POF1B: variants seen among roughly 807,000 people sequenced by gnomAD.
The protein encoded by POF1B is protein POF1B.
A neutral mutation model predicts 55.3 loss-of-function variants in POF1B; 53 were observed. The observed-to-expected ratio is 0.96, with a 90% CI of 0.77 to 1.20. The LOEUF is 1.20. Among genes scored for constraint, POF1B ranks in the 50% most tolerant of loss-of-function variants. POF1B has a pLI of 0.00. For synonymous variants in POF1B, 188 were observed against 148.3 expected (o/e 1.27, Z -1.95); for missense variants, 478 against 420.5 (o/e 1.14, Z -1.20).
intron 6 of POF1B, among the ~76,000 whole-genome samples, chrX:85,334,960 C>T (rs1933042169): frequency 1.8e-5 from 2 of 111,451 alleles, no homozygotes; most frequent in Admixed American, 1.9e-4. Context: ...ATTCTCTTGC[C>T]TGGTTTCCCT....
At chrX:85,313,627 T>C (rs1932755870) in intron 9 of POF1B, among the ~76,000 whole-genome samples, 1 of 111,375 alleles carries the variant, frequency 9.0e-6, no homozygotes, top group South Asian at 3.8e-4. Context: ...GATATTGGCC[T>C]GAAATTTTCC....
chrX:85,293,872 G>A (rs1372683520), intron 15 of POF1B, among the ~76,000 whole-genome samples: 1 of 109,953 alleles, frequency 9.1e-6, no homozygotes, highest in African/African-American at 3.3e-5. Flanking sequence ...TACACTGGAG[G>A]CTGAGGCAGA....
At chrX:85,372,649 A>G (rs960639996) in intron 2 of POF1B, among the ~76,000 whole-genome samples, 4 of 106,119 alleles carry the variant, frequency 3.8e-5, no homozygotes, top group Non-Finnish European at 7.7e-5. Context: ...GGTGCAGCAA[A>G]CCACCATTGC....
chrX:85,373,295 G>A (rs1412315304), intron 2 of POF1B, among the ~76,000 whole-genome samples: 3 of 111,667 alleles, frequency 2.7e-5, no homozygotes, highest in Non-Finnish European at 5.6e-5. Flanking sequence ...GTACTAAATA[G>A]GCAAGTTATT....
intron 15 of POF1B, among the ~76,000 whole-genome samples, chrX:85,286,781 A>G (rs1932064348): frequency 9.0e-6 from 1 of 111,611 alleles, no homozygotes; most frequent in South Asian, 3.7e-4. Flanking sequence ...TCAATAAAAC[A>G]TAACAATCCT....
intron 15 of POF1B, among the ~76,000 whole-genome samples, chrX:85,299,898 A>C (rs1008362107): frequency 8.9e-6 from 1 of 112,550 alleles, no homozygotes; most frequent in Non-Finnish European, 1.9e-5. Context: ...TTGTCGTTAT[A>C]ATTGTCATTG....
At chrX:85,315,661 C>G (rs1383175511) in intron 8 of POF1B, 46 bp downstream of exon 8, 2 of 1,038,244 alleles carry the variant, frequency 1.9e-6, no homozygotes, top group African/African-American at 3.9e-5. Flanking sequence ...TCAGAATCTA[C>G]TTTGTTATTA....
At chrX:85,326,961 C>A (rs1054497053) in intron 7 of POF1B, among the ~76,000 whole-genome samples, 2 of 110,744 alleles carry the variant, frequency 1.8e-5, no homozygotes, top group Admixed American at 1.9e-4. Flanking sequence ...CTGGCCTCTT[C>A]TCATGGGCAA....
At chrX:85,372,213 G>A (rs1215429555) in intron 2 of POF1B, among the ~76,000 whole-genome samples, 6 of 109,382 alleles carry the variant, frequency 5.5e-5, no homozygotes, top group Non-Finnish European at 1.1e-4. Context: ...GTGTGGTGGC[G>A]GGCGCCTATA....
intron 7 of POF1B, among the ~76,000 whole-genome samples, chrX:85,322,726 A>G (rs1397254929): frequency 8.9e-6 from 1 of 111,761 alleles, no homozygotes; most frequent in Non-Finnish European, 1.9e-5. Flanking sequence ...AGAATCTACA[A>G]TGAACTCAAA....
intron 15 of POF1B, among the ~76,000 whole-genome samples, chrX:85,287,280 G>C (rs12860858): frequency 9.0e-6 from 1 of 110,949 alleles, no homozygotes; most frequent in East Asian, 2.8e-4. Flanking sequence ...GAGAGAAACA[G>C]TATAGGAAAA....
intron 6 of POF1B, among the ~76,000 whole-genome samples, chrX:85,336,756 T>C (rs756671393): frequency 1.8e-5 from 2 of 111,674 alleles, no homozygotes; most frequent in Non-Finnish European, 3.8e-5. Context: ...ACTCTGTGGG[T>C]TGTCTCTTCA....
At chrX:85,283,812 A>C (rs1320524376) in intron 15 of POF1B, among the ~76,000 whole-genome samples, 4 of 111,536 alleles carry the variant, frequency 3.6e-5, no homozygotes, top group Non-Finnish European at 5.7e-5. Flanking sequence ...AGAAGAAAGG[A>C]CATTATTCAA....
chrX:85,346,366 A>G (rs1372456657), intron 5 of POF1B, among the ~76,000 whole-genome samples: 1 of 110,137 alleles, frequency 9.1e-6, no homozygotes, highest in East Asian at 2.8e-4. Flanking sequence ...TATTACTTTG[A>G]TGATTCAGTA....
At chrX:85,379,592 T>G in intron 1 of POF1B, 47 bp downstream of exon 1, 3 of 627,376 alleles carry the variant, frequency 4.8e-6, no homozygotes, top group Non-Finnish European at 7.1e-6. Flanking sequence ...GGAAACCGCT[T>G]ATCAAAACCT....
At chrX:85,325,465 C>T (rs1423666049) in intron 7 of POF1B, among the ~76,000 whole-genome samples, 1 of 112,122 alleles carries the variant, frequency 8.9e-6, no homozygotes, top group East Asian at 2.8e-4. Flanking sequence ...ATCAATTCTG[C>T]TGTTAAAACT....
chrX:85,353,931 C>G (rs1007041988), intron 4 of POF1B, among the ~76,000 whole-genome samples: 10 of 111,309 alleles, frequency 9.0e-5, no homozygotes, highest in Non-Finnish European at 1.5e-4. Flanking sequence ...GAGTGCCCAA[C>G]AGATGAGAAT....
intron 6 of POF1B, among the ~76,000 whole-genome samples, chrX:85,335,703 T>G (rs1933059051): frequency 9.0e-6 from 1 of 110,654 alleles, no homozygotes; most frequent in African/African-American, 3.3e-5. Context: ...TTCTTTTTCT[T>G]TAATTTTTAA....
At chrX:85,364,469 C>T (rs1008876307) in intron 3 of POF1B, among the ~76,000 whole-genome samples, 1 of 111,726 alleles carries the variant, frequency 9.0e-6, no homozygotes, top group Admixed American at 9.5e-5. Context: ...TTAGCATTTG[C>T]TTATCTGAAA....
Sources: allele counts gnomAD v4.1 joint callset (sites outside exome capture counted in the v4.1 genomes callset), GRCh38; gene constraint gnomAD v4.1.1; transcripts MANE v1.5; gene names NCBI Gene and HGNC (gene_info 2026-07-23, HGNC 2026-07-21).